ADAM23: variants seen among roughly 807,000 people sequenced by gnomAD.
The protein encoded by ADAM23 is disintegrin and metalloproteinase domain-containing protein 23.
In ADAM23, 33 loss-of-function variants were observed where a neutral mutation model predicts 120.1. That is an observed-to-expected ratio of 0.27 (90% CI 0.21 to 0.37). The LOEUF (loss-of-function observed/expected upper bound fraction) is 0.37. Among genes scored for constraint, ADAM23 ranks in the 10% least tolerant of loss-of-function variants. The pLI is 1.00. For missense variants in ADAM23, 862 were observed against 1,058.2 expected (o/e 0.81, Z 2.57); for synonymous variants, 367 against 375.2 (o/e 0.98, Z 0.25).
chr2:206,592,506 A>G, intron 21 of ADAM23, 111 bp from the exon 22 acceptor site: 4 of 1,330,816 alleles, frequency 3.0e-6, no homozygotes, highest in Middle Eastern at 1.9e-4. Context: ...GTTTTTGTTT[A>G]GAAAGAAAGA....
intron 3 of ADAM23, among the ~76,000 whole-genome samples, chr2:206,510,230 A>G (rs1696594304): frequency 6.6e-6 from 1 of 152,224 alleles, no homozygotes; most frequent in Non-Finnish European, 1.5e-5. Flanking sequence ...ATAAATATTA[A>G]ATTTAAAAGA....
chr2:206,613,823 C>T (rs1698881978), intron 25 of ADAM23, among the ~76,000 whole-genome samples: 1 of 152,282 alleles, frequency 6.6e-6, no homozygotes, highest in East Asian at 1.9e-4. Context: ...GTCTTCAGCA[C>T]CTTAGGCGTT....
chr2:206,457,413 T>G (rs1695321896), intron 2 of ADAM23, among the ~76,000 whole-genome samples: 1 of 152,130 alleles, frequency 6.6e-6, no homozygotes, highest in Non-Finnish European at 1.5e-5. Context: ...AGTCTCTTGT[T>G]TCTTTTTTCA....
intron 6 of ADAM23, among the ~76,000 whole-genome samples, chr2:206,545,663 CCT>C (rs1226036440): frequency 1.3e-5 from 2 of 152,106 alleles, no homozygotes; most frequent in Non-Finnish European, 2.9e-5. Flanking sequence ...TTTGAATAAA[CCT>C]CTGTCATTTT....
intron 24 of ADAM23, among the ~76,000 whole-genome samples, chr2:206,602,196 C>G (rs1275901711): frequency 2.0e-5 from 3 of 152,050 alleles, no homozygotes; most frequent in African/African-American, 7.2e-5. Context: ...TTATCAATAA[C>G]CCAAGGATAT....
chr2:206,534,796 C>T (rs1436610961), intron 4 of ADAM23, among the ~76,000 whole-genome samples: 2 of 152,166 alleles, frequency 1.3e-5, no homozygotes, highest in Admixed American at 6.6e-5. Context: ...CAACTTCCCT[C>T]TACCTTATTA....
At chr2:206,546,257 G>A (rs1394419432) in intron 6 of ADAM23, among the ~76,000 whole-genome samples, 1 of 152,096 alleles carries the variant, frequency 6.6e-6, no homozygotes, top group Non-Finnish European at 1.5e-5. Context: ...TTTAAATTGT[G>A]TTGCTGATCC....
intron 12 of ADAM23, among the ~76,000 whole-genome samples, chr2:206,561,860 A>G (rs1389954130): frequency 1.3e-5 from 2 of 152,226 alleles, no homozygotes. Context: ...ATACCAGGTT[A>G]TCCCAGTTGC....
intron 3 of ADAM23, among the ~76,000 whole-genome samples, chr2:206,486,934 C>T (rs2113380): frequency 0.28 from 42,334 of 152,110 alleles, 6,028 homozygotes; most frequent in South Asian, 0.31. Flanking sequence ...TACATTCTGT[C>T]TCCATGCATT....
Position 206,596,141 on chromosome 2 carries a change from C to A in ADAM23, c.2338C>A (p.Pro780Thr), listed in dbSNP as rs113518350. ...GGATCCAGTTAGGAACCTTCACCCCCCCAAGGATGAAGGACCCAAGGGTTT... is the reference window on the plus strand; with the variant it reads ...GGATCCAGTTAGGAACCTTCACCCCACCAAGGATGAAGGACCCAAGGGTTT... Reference protein sequence around the residue: ...IRDPVRNLHPPKDEGPKGPSA... With the variant: ...IRDPVRNLHPTKDEGPKGPSA... Residue 780 changes from proline (P) to threonine (T), a missense_variant, in exon 24 of 26, where the codon CCC becomes ACC. By Grantham distance (38) the Pro-to-Thr change is conservative. This residue lies in a region of ADAM23 where 617 missense variants were observed against 813.5 expected (regional missense o/e 0.76). Coordinates refer to ENST00000264377, the MANE Select transcript of ADAM23 (RefSeq NM_003812.4). 19 of 1,613,828 alleles carry A rather than the reference C, an allele frequency of 1.2e-5. No homozygotes were observed. In the East Asian group the frequency reaches 2.7e-4, roughly 23 times the overall value.
At chr2:206,460,854 A>T (rs1695402787) in intron 2 of ADAM23, among the ~76,000 whole-genome samples, 1 of 152,122 alleles carries the variant, frequency 6.6e-6, no homozygotes, top group Non-Finnish European at 1.5e-5. Flanking sequence ...TTTCCTGCTG[A>T]GTTTAGTCAC....
chr2:206,468,444 C>CA (rs1162238390), intron 2 of ADAM23, among the ~76,000 whole-genome samples: 1 of 152,160 alleles, frequency 6.6e-6, no homozygotes, highest in African/African-American at 2.4e-5. Context: ...CATGGATCCC[C>CA]AAGGCAGGGG....
intron 2 of ADAM23, among the ~76,000 whole-genome samples, chr2:206,478,299 CAAAG>C (rs1695825296): frequency 6.6e-6 from 1 of 151,908 alleles, no homozygotes; most frequent in African/African-American, 2.4e-5. Context: ...GATACATTGA[CAAAG>C]AAGATGAATA....
In ADAM23 at chr2:206,491,943, A is replaced by G. The variant is rs1046070971; in HGVS notation, c.509+10635A>G. Among the ~76,000 whole-genome samples the G allele has an allele frequency of 1.4e-4, 22 of 152,148 alleles. 1 individual carries two copies. Among genetic ancestry groups the G allele is most frequent in the African/African-American group, 4.8e-4 (20 of 41,434 alleles). On this transcript the variant is annotated intron_variant, in intron 3 of 25. Coordinates refer to ENST00000264377, the MANE Select transcript of ADAM23 (RefSeq NM_003812.4). ...AGTTCTTTCTAACCTGAGTTGATGG[A>G]TAGATTTCCATTGACAGAAGCCATT... is the stretch of plus-strand genomic sequence containing the variant.
chr2:206,527,484 T>C (rs1312546943), intron 3 of ADAM23, among the ~76,000 whole-genome samples: 1 of 152,238 alleles, frequency 6.6e-6, no homozygotes, highest in Non-Finnish European at 1.5e-5. Context: ...ATTTCAAGAC[T>C]TTTATAATTA....
intron 15 of ADAM23, among the ~76,000 whole-genome samples, chr2:206,569,454 G>A (rs980341269): frequency 1.1e-4 from 17 of 152,192 alleles, no homozygotes; most frequent in African/African-American, 2.9e-4. Flanking sequence ...TCCCCCAAGC[G>A]TTTTGAATGT....
At chr2:206,590,159 A>G (rs1049560351) in intron 21 of ADAM23, among the ~76,000 whole-genome samples, 5 of 151,838 alleles carry the variant, frequency 3.3e-5, no homozygotes, top group Non-Finnish European at 7.4e-5. Flanking sequence ...GTACAGTGGC[A>G]TGATCTCAGC....
chr2:206,617,880 C>G lies in ADAM23; in HGVS notation c.*253C>G. 3.3e-6 allele frequency: 2 copies of G among 600,304 alleles called. No homozygotes were observed. The highest frequency in any genetic ancestry group is 4.9e-6 in the Non-Finnish European group (2 of 409,016). 37.2% of individuals were successfully genotyped at this position (600,304 alleles called of 1,614,324 possible). On this transcript the variant is annotated 3_prime_UTR_variant, in exon 26 of 26. Transcript: ENST00000264377. ...AGACCATGCTATAAAAAGAACTGTT[C>G]CAGAATCTTTTTTTTCCCTAATGGA...
chr2:206,490,254 C>T (rs1696103783), intron 3 of ADAM23, among the ~76,000 whole-genome samples: 1 of 152,196 alleles, frequency 6.6e-6, no homozygotes, highest in African/African-American at 2.4e-5. Flanking sequence ...TCTTGGACTT[C>T]TAGCCTTCCG....
Sources: allele counts gnomAD v4.1 joint callset (sites outside exome capture counted in the v4.1 genomes callset), GRCh38; gene constraint gnomAD v4.1.1; regional missense constraint gnomAD v4.1.1; transcripts MANE v1.5; gene names NCBI Gene and HGNC (gene_info 2026-07-23, HGNC 2026-07-21).